CFAP44: variants seen among roughly 807,000 people sequenced by gnomAD.
The protein encoded by CFAP44 is cilia and flagella associated protein 44, also known as cilia- and flagella-associated protein 44.
CFAP44 carries 134 observed loss-of-function variants against 216.2 expected under a neutral mutation model. The ratio of observed to expected loss-of-function variants is 0.62; its 90% confidence interval spans 0.54 to 0.72. The LOEUF (loss-of-function observed/expected upper bound fraction) is 0.72, where lower values mean the gene tolerates loss of function less well. Ranked by LOEUF, CFAP44 falls within the 30% of genes least tolerant of loss-of-function variation. The probability of loss-of-function intolerance (pLI) is 0.00; values close to 1 mark genes in which losing one functional copy is unlikely to be tolerated. For missense variants in CFAP44, 2,035 were observed against 2,182.1 expected (o/e 0.93, Z 1.34); for synonymous variants, 700 against 727.6 (o/e 0.96, Z 0.61).
In CFAP44 at chr3:113,395,684, T is replaced by C. The variant is rs555126568; in HGVS notation, c.1890+66A>G. 133 of 1,384,124 alleles carry C rather than the reference T, an allele frequency of 9.6e-5. 1 individual carries two copies. In the African/African-American group the frequency reaches 1.6e-3, roughly 17 times the overall value. The allele number at this position is 1,384,124 out of a possible 1,614,324, so 85.7% of individuals were successfully genotyped here. A position where few individuals can be genotyped will look rare whatever the true frequency, so the allele number is the denominator to read the frequency against. ...TAAAAATTCCACCTGCTATTTTCTATCTACAAGATAGTTTCACTATGTAGT... is the reference window on the plus strand; with the variant it reads ...TAAAAATTCCACCTGCTATTTTCTACCTACAAGATAGTTTCACTATGTAGT... On this transcript the variant is annotated intron_variant, in intron 15 of 34. Transcript: ENST00000393845.
chr3:113,372,679 G>GT (rs1933207920), intron 18 of CFAP44, among the ~76,000 whole-genome samples: 2 of 152,130 alleles, frequency 1.3e-5, no homozygotes. Context: ...GTATACCTAC[G>GT]TAACAAATGT....
At chr3:113,358,712 A>G in intron 22 of CFAP44, 33 bp downstream of exon 22, 1 of 1,534,942 alleles carries the variant, frequency 6.5e-7, no homozygotes, top group East Asian at 2.4e-5. Flanking sequence ...TGTGCTCTCA[A>G]ACATCTTAGC....
intron 18 of CFAP44, among the ~76,000 whole-genome samples, chr3:113,369,365 G>A (rs1327089405): frequency 6.6e-6 from 1 of 151,968 alleles, no homozygotes; most frequent in Non-Finnish European, 1.5e-5. Context: ...TAAAAGAATA[G>A]AAATCACAAC....
At chr3:113,304,311 G>A (rs764764165) in intron 31 of CFAP44, 194 bp from the exon 32 acceptor site, 19 of 591,736 alleles carry the variant, frequency 3.2e-5, no homozygotes, top group African/African-American at 9.3e-5. Context: ...GCCACATCAC[G>A]TCTCTGTGGG....
chr3:113,314,425 C>G (rs924706079), intron 28 of CFAP44, among the ~76,000 whole-genome samples: 1 of 151,978 alleles, frequency 6.6e-6, no homozygotes, highest in Non-Finnish European at 1.5e-5. Flanking sequence ...GATTCTATAC[C>G]AAGTGAAAAT....
intron 10 of CFAP44, 132 bp downstream of exon 10, chr3:113,401,452 G>T: frequency 8.0e-7 from 1 of 1,243,062 alleles, no homozygotes; most frequent in Non-Finnish European, 1.1e-6. Flanking sequence ...CTATATTTTA[G>T]ACTAAAGCCA....
intron 32 of CFAP44, among the ~76,000 whole-genome samples, chr3:113,298,758 TCTC>T (rs1024374519): frequency 1.3e-5 from 2 of 152,192 alleles, no homozygotes; most frequent in African/African-American, 4.8e-5. Flanking sequence ...ACTGTATTAT[TCTC>T]CTCATTATGA....
chr3:113,366,416 G>T, intron 18 of CFAP44, 107 bp from the exon 19 acceptor site: 1 of 1,328,866 alleles, frequency 7.5e-7, no homozygotes, highest in Non-Finnish European at 1.0e-6. Flanking sequence ...GTTATGGACT[G>T]AATTGTACAC....
At chr3:113,329,081 T>C (rs1011230242) in intron 26 of CFAP44, among the ~76,000 whole-genome samples, 2 of 152,242 alleles carry the variant, frequency 1.3e-5, no homozygotes, top group Non-Finnish European at 2.9e-5. Flanking sequence ...TGTTTGACAT[T>C]GTCCTAGACT....
chr3:113,337,239 A>T (rs934539763), intron 24 of CFAP44, among the ~76,000 whole-genome samples: 26 of 151,938 alleles, frequency 1.7e-4, no homozygotes, highest in African/African-American at 6.3e-4. Context: ...GCATATGTGC[A>T]AATCTAACAA....
At chr3:113,412,465 A>G (rs1019181646) in intron 6 of CFAP44, among the ~76,000 whole-genome samples, 8 of 151,270 alleles carry the variant, frequency 5.3e-5, no homozygotes, top group African/African-American at 1.9e-4. Context: ...TTACATAGGT[A>G]TATGTGTGCC....
chr3:113,429,999 T>C (rs1253603055), intron 2 of CFAP44, among the ~76,000 whole-genome samples: 4 of 152,078 alleles, frequency 2.6e-5, no homozygotes, highest in African/African-American at 9.7e-5. Context: ...TATAAAACAC[T>C]TACACCTATC....
chr3:113,433,526 T>C, intron 2 of CFAP44, 39 bp downstream of exon 2: 1 of 1,375,334 alleles, frequency 7.3e-7, no homozygotes, highest in Non-Finnish European at 1.0e-6. Context: ...TTTACCTAAG[T>C]TTAATACTTT....
At chr3:113,431,884 A>T (rs1232209487) in intron 2 of CFAP44, among the ~76,000 whole-genome samples, 1 of 152,230 alleles carries the variant, frequency 6.6e-6, no homozygotes, top group Non-Finnish European at 1.5e-5. Flanking sequence ...TAACATCGTG[A>T]TAGTCAGTCA....
At chr3:113,401,761 A>C (rs1253500438) in intron 9 of CFAP44, 22 bp from the exon 10 acceptor site, 2 of 1,581,402 alleles carry the variant, frequency 1.3e-6, no homozygotes, top group Non-Finnish European at 1.7e-6. Context: ...AAAAGAAAAT[A>C]CTTTAATCGA....
intron 9 of CFAP44, among the ~76,000 whole-genome samples, chr3:113,403,322 A>C (rs1934190994): frequency 6.6e-6 from 1 of 152,200 alleles, no homozygotes; most frequent in African/African-American, 2.4e-5. Flanking sequence ...TAGATGCTGG[A>C]GCAATGTTCC....
intron 4 of CFAP44, among the ~76,000 whole-genome samples, chr3:113,425,582 A>G (rs1420162760): frequency 1.3e-5 from 2 of 152,222 alleles, no homozygotes; most frequent in East Asian, 1.9e-4. Flanking sequence ...AATGCCTTAC[A>G]ATGGACAGAC....
intron 8 of CFAP44, among the ~76,000 whole-genome samples, chr3:113,404,447 C>A (rs1333359575): frequency 6.6e-6 from 1 of 152,172 alleles, no homozygotes; most frequent in Non-Finnish European, 1.5e-5. Context: ...CAATTTCAAA[C>A]AAGGATAATC....
intron 21 of CFAP44, among the ~76,000 whole-genome samples, chr3:113,359,264 C>A (rs1269180541): frequency 1.8e-4 from 27 of 152,154 alleles, no homozygotes; most frequent in Admixed American, 1.8e-3. Flanking sequence ...TGACCCCACC[C>A]AGGAAAGATA....
Sources: gnomAD v4.1 joint callset for allele counts (sites outside exome capture counted in the v4.1 genomes callset) on GRCh38, gnomAD v4.1.1 for gene constraint, MANE v1.5 for transcripts, NCBI Gene and HGNC (gene_info 2026-07-23, HGNC 2026-07-21) for gene names.